The following DCDC1 variants were observed in gnomAD, a reference collection of about 807,000 sequenced individuals.
DCDC1 encodes doublecortin domain-containing protein 1.
A neutral mutation model predicts 178.3 loss-of-function variants in DCDC1; 200 were observed. That is an observed-to-expected ratio of 1.12 (90% confidence interval 1.00 to 1.26). The LOEUF (loss-of-function observed/expected upper bound fraction) is 1.26. Among genes scored for constraint, DCDC1 ranks in the 50% most tolerant of loss-of-function variants. DCDC1 has a pLI of 0.00. For missense variants in DCDC1, 1,983 were observed against 1,749.2 expected (o/e 1.13, Z -2.38); for synonymous variants, 690 against 604.8 (o/e 1.14, Z -2.07).
At chr11:30,901,153 A>C (rs1223614670) in intron 32 of DCDC1, among the ~76,000 whole-genome samples, 1 of 152,048 alleles carries the variant, frequency 6.6e-6, no homozygotes, top group Non-Finnish European at 1.5e-5. Context: ...TAGAAAATGC[A>C]CTTTTCCTGG....
At chr11:30,916,802 T>C (rs892803251) in intron 26 of DCDC1, 68 bp downstream of exon 26, 37 of 1,448,198 alleles carry the variant, frequency 2.6e-5, no homozygotes, top group Non-Finnish European at 3.2e-5. Flanking sequence ...TGGGAATATA[T>C]GTGTCCCAAG....
chr11:31,104,808 TA>T (rs1351244513), intron 13 of DCDC1, among the ~76,000 whole-genome samples: 6 of 152,024 alleles, frequency 3.9e-5, no homozygotes, highest in South Asian at 4.1e-4. Flanking sequence ...ATATAACAGG[TA>T]AAACAAATGT....
intron 7 of DCDC1, among the ~76,000 whole-genome samples, chr11:31,282,966 A>G (rs535594788): frequency 6.6e-6 from 1 of 152,270 alleles, no homozygotes; most frequent in East Asian, 1.9e-4. Context: ...TTACATATGT[A>G]TCCCTGTAAT....
chr11:30,906,251 A>C (rs1479364397), intron 30 of DCDC1: 1 of 275,042 alleles, frequency 3.6e-6, no homozygotes, highest in Non-Finnish European at 6.8e-6. Context: ...ATTTGCAGTT[A>C]CTTCCTCACC....
chr11:31,280,466 C>A (rs919686165), intron 7 of DCDC1, among the ~76,000 whole-genome samples: 1 of 152,104 alleles, frequency 6.6e-6, no homozygotes, highest in African/African-American at 2.4e-5. Context: ...TTACTGAATT[C>A]GAATTACTAT....
chr11:31,278,834 AC>A (rs575799223), intron 7 of DCDC1, among the ~76,000 whole-genome samples: 1 of 152,166 alleles, frequency 6.6e-6, no homozygotes, highest in South Asian at 2.1e-4. Context: ...AATAATAAAT[AC>A]ATACTAAAAT....
In DCDC1 at chr11:31,356,313, GAAC is replaced by G. The variant is rs1188175269; in HGVS notation, c.-125+13381_-125+13383del. On this transcript the variant is annotated intron_variant, in intron 1 of 38. Transcript: ENST00000684477. ...AAAACCGCTCAACTACATGGAAACT[GAAC>G]AACCTGCTCCTGAATGACTACTGGG... Among the ~76,000 whole-genome samples the G allele has an allele frequency of 7.2e-5, 11 of 152,198 alleles. No individual in the cohort carries two copies. In the South Asian group the frequency reaches 2.3e-3, roughly 32 times the overall value.
At position 31,179,368 on chromosome 11, in the gene DCDC1, C is replaced by G. The variant is rs75835101; in HGVS notation, c.1222-41584G>C. Among the ~76,000 whole-genome samples the G allele has an allele frequency of 8.3e-3, 1,260 of 152,298 alleles. 22 individuals are homozygous for G. Among genetic ancestry groups the G allele is most frequent in the African/African-American group, 0.029 (1,206 of 41,580 alleles). The stretch of plus-strand genomic sequence containing the variant: ...ATGAAATAACTATGTCCAAGACAAT[C>G]TGTACTCCCGTTTATTGTAGCACTA... On this transcript the variant is annotated intron_variant, in intron 9 of 38. Coordinates refer to ENST00000684477, the MANE Select transcript of DCDC1 (RefSeq NM_001387274.1).
At chr11:31,050,366 C>T (rs1955160233) in intron 20 of DCDC1, among the ~76,000 whole-genome samples, 1 of 152,194 alleles carries the variant, frequency 6.6e-6, no homozygotes, top group Admixed American at 6.5e-5. Context: ...CAAGGACAGT[C>T]TGAGCTCAGA....
At chr11:31,328,053 A>G in intron 3 of DCDC1, 64 bp downstream of exon 3, 1 of 1,462,532 alleles carries the variant, frequency 6.8e-7, no homozygotes. Context: ...AATTTAAACT[A>G]CTTTCTATAA....
At chr11:31,353,811 T>C (rs1345682351) in intron 1 of DCDC1, among the ~76,000 whole-genome samples, 1 of 152,194 alleles carries the variant, frequency 6.6e-6, no homozygotes, top group East Asian at 1.9e-4. Flanking sequence ...CCAACCACCT[T>C]TGATTACTGG....
intron 9 of DCDC1, among the ~76,000 whole-genome samples, chr11:31,177,549 A>C (rs1369432407): frequency 6.6e-6 from 1 of 152,190 alleles, no homozygotes; most frequent in South Asian, 2.1e-4. Context: ...ATATAAATGG[A>C]TTAAATTCTC....
intron 27 of DCDC1, among the ~76,000 whole-genome samples, chr11:30,911,756 G>C (rs548060289): frequency 3.9e-4 from 59 of 152,200 alleles, no homozygotes; most frequent in African/African-American, 1.4e-3. Context: ...CTTGCCTATT[G>C]CTCCTTTGCT....
intron 25 of DCDC1, 66 bp from the exon 26 acceptor site, chr11:30,917,094 G>T (rs1041635194): frequency 6.6e-7 from 1 of 1,505,788 alleles, no homozygotes; most frequent in Non-Finnish European, 8.9e-7. Flanking sequence ...ATTTTTTTCT[G>T]AGGTGTAGTC....
intron 10 of DCDC1, among the ~76,000 whole-genome samples, chr11:31,132,816 G>A (rs1415229079): frequency 6.6e-6 from 1 of 152,200 alleles, no homozygotes; most frequent in Non-Finnish European, 1.5e-5. Flanking sequence ...TGGAAATGCA[G>A]CACGGAAGTG....
intron 1 of DCDC1, among the ~76,000 whole-genome samples, chr11:31,361,171 A>C (rs771373809): frequency 3.3e-5 from 5 of 152,242 alleles, no homozygotes; most frequent in Admixed American, 1.3e-4. Context: ...CATACAATTG[A>C]ATATAAAATA....
chr11:31,305,866 T>G (rs770839344), intron 5 of DCDC1, 89 bp from the exon 6 acceptor site: 4 of 1,445,696 alleles, frequency 2.8e-6, no homozygotes, highest in Non-Finnish European at 3.7e-6. Context: ...ATGATCAAAA[T>G]AGAAACCCAA....
At chr11:30,942,267 G>A (rs1214380713) in intron 21 of DCDC1, among the ~76,000 whole-genome samples, 1 of 152,138 alleles carries the variant, frequency 6.6e-6, no homozygotes, top group Non-Finnish European at 1.5e-5. Context: ...GTGGGATGGA[G>A]TCACATAACT....
chr11:31,365,652 A>T (rs1225924313), intron 1 of DCDC1, among the ~76,000 whole-genome samples: 1 of 152,142 alleles, frequency 6.6e-6, no homozygotes, highest in Non-Finnish European at 1.5e-5. Context: ...TACCAAAGTG[A>T]TAGATTTAAT....
Sources: gnomAD v4.1 joint callset for allele counts (sites outside exome capture counted in the v4.1 genomes callset) on GRCh38, gnomAD v4.1.1 for gene constraint, MANE v1.5 for transcripts, NCBI Gene and HGNC (gene_info 2026-07-23, HGNC 2026-07-21) for gene names.